EIPR1: variants seen among roughly 807,000 people sequenced by gnomAD.
The protein encoded by EIPR1 is EARP complex and GARP complex interacting protein 1.
Under a neutral mutation model 48.1 loss-of-function variants are expected in EIPR1, and 25 were observed. The observed-to-expected ratio is 0.52, with a 90% CI of 0.38 to 0.73. The LOEUF (loss-of-function observed/expected upper bound fraction) is 0.73, where lower values mean the gene tolerates loss of function less well. EIPR1 is among the 30% of genes least tolerant of loss of function. The probability of loss-of-function intolerance (pLI) is 0.00; values close to 1 mark genes in which losing one functional copy is unlikely to be tolerated. For synonymous variants in EIPR1, 204 were observed against 201.9 expected (o/e 1.01, Z -0.09); for missense variants, 415 against 506.2 (o/e 0.82, Z 1.73).
At chr2:3,194,339 T>A (rs1572274752) in intron 6 of EIPR1, 173 bp from the exon 7 acceptor site, 1 of 650,014 alleles carries the variant, frequency 1.5e-6, no homozygotes, top group East Asian at 2.8e-5. Context: ...ACCTCCTCCA[T>A]CCCAGCAACC....
chr2:3,281,658 G>A (rs769357885), intron 3 of EIPR1, among the ~76,000 whole-genome samples: 12 of 152,086 alleles, frequency 7.9e-5, no homozygotes, highest in African/African-American at 1.7e-4. Context: ...CCCTTCAGAC[G>A]GTCAAGGCGG....
At chr2:3,238,423 G>C (rs1666486383) in intron 4 of EIPR1, among the ~76,000 whole-genome samples, 1 of 152,258 alleles carries the variant, frequency 6.6e-6, no homozygotes, top group South Asian at 2.1e-4. Flanking sequence ...CCAGAGCCCT[G>C]GGCTGTGGGT....
At chr2:3,356,347 A>G (rs1670728729) in intron 1 of EIPR1, among the ~76,000 whole-genome samples, 1 of 152,262 alleles carries the variant, frequency 6.6e-6, no homozygotes, top group Non-Finnish European at 1.5e-5. Context: ...AGAGAAACGT[A>G]GGCTGTATAC....
At chr2:3,248,976 T>A (rs927388460) in intron 4 of EIPR1, among the ~76,000 whole-genome samples, 10 of 152,170 alleles carry the variant, frequency 6.6e-5, no homozygotes, top group Admixed American at 4.6e-4. Flanking sequence ...CCTCTTTTTT[T>A]ATAAATTACT....
intron 5 of EIPR1, among the ~76,000 whole-genome samples, chr2:3,210,956 T>G (rs1209872622): frequency 1.3e-5 from 2 of 151,930 alleles, no homozygotes; most frequent in African/African-American, 2.4e-5. Flanking sequence ...CACTACTAAG[T>G]GAGAACATGC....
intron 3 of EIPR1, among the ~76,000 whole-genome samples, chr2:3,278,396 A>C (rs1052811708): frequency 3.3e-5 from 5 of 152,110 alleles, no homozygotes; most frequent in Admixed American, 6.5e-5. Flanking sequence ...GAGCCAGGGG[A>C]ACCTGCCTTT....
At chr2:3,210,599 A>T (rs986545503) in intron 5 of EIPR1, among the ~76,000 whole-genome samples, 3 of 148,838 alleles carry the variant, frequency 2.0e-5, no homozygotes, top group Admixed American at 2.0e-4. Flanking sequence ...CTCCATGTCC[A>T]GGTCTTCTCA....
At chr2:3,338,929 G>A (rs931774753) in intron 2 of EIPR1, among the ~76,000 whole-genome samples, 22 of 151,958 alleles carry the variant, frequency 1.4e-4, no homozygotes, top group African/African-American at 5.3e-4. Flanking sequence ...ATATTCATGG[G>A]TCTACACAAA....
intron 3 of EIPR1, among the ~76,000 whole-genome samples, chr2:3,337,620 G>T (rs561907546): frequency 1.3e-5 from 2 of 152,146 alleles, no homozygotes; most frequent in Non-Finnish European, 2.9e-5. Flanking sequence ...GTCAACGCGC[G>T]TGTGTGCATG....
chr2:3,268,121 C>T (rs1312799758), intron 3 of EIPR1, among the ~76,000 whole-genome samples: 1 of 152,216 alleles, frequency 6.6e-6, no homozygotes, highest in Non-Finnish European at 1.5e-5. Context: ...CCCTCTGTGA[C>T]CCCACCACCT....
intron 2 of EIPR1, among the ~76,000 whole-genome samples, chr2:3,343,255 C>T (rs1243452980): frequency 6.6e-6 from 1 of 152,212 alleles, no homozygotes; most frequent in Non-Finnish European, 1.5e-5. Context: ...GAACCAGTAC[C>T]TCAACTCTCT....
chr2:3,318,197 CA>C (rs1308367702), intron 3 of EIPR1, among the ~76,000 whole-genome samples: 32 of 152,366 alleles, frequency 2.1e-4, no homozygotes, highest in African/African-American at 7.5e-4. Context: ...CAGCACACCA[CA>C]CATGTGGGGT....
At chr2:3,356,730 C>T (rs949922395) in intron 1 of EIPR1, among the ~76,000 whole-genome samples, 1 of 152,158 alleles carries the variant, frequency 6.6e-6, no homozygotes, top group African/African-American at 2.4e-5. Context: ...GAAAACCTTC[C>T]CTGGCTGTAG....
intron 4 of EIPR1, among the ~76,000 whole-genome samples, chr2:3,249,007 T>C (rs1423778008): frequency 1.3e-5 from 2 of 152,118 alleles, no homozygotes; most frequent in South Asian, 2.1e-4. Flanking sequence ...TATTTCCCTA[T>C]AGCAATACAA....
At chr2:3,354,518 T>C (rs1285036443) in intron 2 of EIPR1, 32 bp downstream of exon 2, 1 of 1,592,576 alleles carries the variant, frequency 6.3e-7, no homozygotes, top group Admixed American at 1.7e-5. Context: ...GGCTTAGTAA[T>C]TATCATGTAT....
At chr2:3,323,206 G>A (rs773680241) in intron 3 of EIPR1, among the ~76,000 whole-genome samples, 3 of 151,936 alleles carry the variant, frequency 2.0e-5, no homozygotes, top group East Asian at 1.9e-4. Flanking sequence ...CCATATAGGC[G>A]TGTCAGAAGA....
At chr2:3,285,043 G>T (rs1385716999) in intron 3 of EIPR1, among the ~76,000 whole-genome samples, 1 of 152,204 alleles carries the variant, frequency 6.6e-6, no homozygotes, top group Non-Finnish European at 1.5e-5. Flanking sequence ...TGGAGAAGTG[G>T]TTAAATACAC....
intron 3 of EIPR1, among the ~76,000 whole-genome samples, chr2:3,261,216 T>C (rs1055039261): frequency 6.6e-6 from 1 of 151,918 alleles, no homozygotes; most frequent in Non-Finnish European, 1.5e-5. Flanking sequence ...TGGAGACAGT[T>C]AATAGAGTTG....
intron 1 of EIPR1, among the ~76,000 whole-genome samples, chr2:3,364,574 G>A (rs553729505): frequency 2.6e-5 from 4 of 151,818 alleles, no homozygotes; most frequent in Admixed American, 2.6e-4. Context: ...GGCAGAGGGT[G>A]CAGTGAGCCG....
Sources: allele counts gnomAD v4.1 joint callset (sites outside exome capture counted in the v4.1 genomes callset), GRCh38; gene constraint gnomAD v4.1.1; transcripts MANE v1.5; gene names NCBI Gene and HGNC (gene_info 2026-07-23, HGNC 2026-07-21).